The following COL11A1 variants were observed in gnomAD, a reference collection of about 807,000 sequenced individuals.
COL11A1 encodes collagen type XI alpha 1 chain, also known as collagen alpha-1(XI) chain.
Under a neutral mutation model 265.2 loss-of-function variants are expected in COL11A1, and 74 were observed. The observed-to-expected ratio is 0.28, with a 90% CI of 0.23 to 0.34. COL11A1 has a LOEUF of 0.34. Among genes scored for constraint, COL11A1 ranks in the 10% least tolerant of loss-of-function variants. The pLI is 1.00. For synonymous variants in COL11A1, 816 were observed against 727.6 expected, an observed-to-expected ratio of 1.12 and a Z score of -1.96; for missense variants, 2,165 against 2,263.6, an observed-to-expected ratio of 0.96 and a Z score of 0.88.
At chr1:103,025,370 T>A in intron 7 of COL11A1, 151 bp downstream of exon 7, 1 of 676,066 alleles carries the variant, frequency 1.5e-6, no homozygotes, top group Non-Finnish European at 2.6e-6. Context: ...TTAGTAATAG[T>A]GAACCATTGC....
rs544305173 is a variant in COL11A1, at chr1:103,046,491, G to A, written c.652-15247C>T. On this transcript the variant is annotated intron_variant, in intron 4 of 66. Transcript: ENST00000370096. ...TGTAAATTTGTTTGAGTTCATTGTA[G>A]ATTCTGGATATTAGCCCTTTGTCAG... is the stretch of plus-strand genomic sequence containing the variant. 3.5e-3 allele frequency among the ~76,000 whole-genome samples: 538 copies of A among 151,782 alleles called. 3 individuals are homozygous for A. The highest frequency in any genetic ancestry group is 5.4e-3 in the Non-Finnish European group (367 of 67,948).
intron 42 of COL11A1, among the ~76,000 whole-genome samples, chr1:102,944,347 T>C (rs1659035173): frequency 1.3e-5 from 2 of 152,150 alleles, no homozygotes; most frequent in Non-Finnish European, 2.9e-5. Context: ...ACCCACTTTA[T>C]GTTACTGTCC....
Position 102,973,329 on chromosome 1 carries a change from G to A in COL11A1, c.2808+1501C>T, listed in dbSNP as rs143616442. On this transcript the variant is annotated intron_variant, in intron 36 of 66. Transcript: ENST00000370096. ...CCTCTTACAGACAAAATGCATGCAC[G>A]ATCAATGGCTCAAAACATGTTGAAA... Among the ~76,000 whole-genome samples, 50 of 152,106 alleles carry A rather than the reference G, an allele frequency of 3.3e-4. 1 individual carries two copies. The highest frequency in any genetic ancestry group is 7.9e-4 in the Admixed American group (12 of 15,274).
intron 42 of COL11A1, among the ~76,000 whole-genome samples, chr1:102,946,330 ACC>A (rs5776669): frequency 3.4e-4 from 52 of 150,888 alleles, no homozygotes; most frequent in Middle Eastern, 3.4e-3. Flanking sequence ...AGTATAATAA[ACC>A]CCCCCCCAAA....
chr1:102,966,815 C>T (rs900690808), intron 37 of COL11A1, among the ~76,000 whole-genome samples: 3 of 152,168 alleles, frequency 2.0e-5, no homozygotes, highest in African/African-American at 4.8e-5. Context: ...TGAACTCCTC[C>T]ATTCCCAACT....
intron 3 of COL11A1, among the ~76,000 whole-genome samples, chr1:103,077,989 A>G (rs1192304537): frequency 2.6e-5 from 4 of 152,146 alleles, no homozygotes; most frequent in African/African-American, 4.8e-5. Flanking sequence ...AGTACATGGC[A>G]CATATCAGCA....
At chr1:102,879,588 C>G in intron 66 of COL11A1, 95 bp downstream of exon 66, 1 of 1,045,742 alleles carries the variant, frequency 9.6e-7, no homozygotes, top group Non-Finnish European at 1.5e-6. Flanking sequence ...CAACTGACGT[C>G]CATTTCATGA....
intron 52 of COL11A1, 46 bp from the exon 53 acceptor site, chr1:102,913,736 A>G (rs1557811911): frequency 1.3e-6 from 2 of 1,536,190 alleles, no homozygotes; most frequent in African/African-American, 2.7e-5. Context: ...CTCAGTATCA[A>G]TAAATCACAC....
chr1:103,010,813 G>C lies in COL11A1; in HGVS notation c.1629+1600C>G, dbSNP rs191493182. Among the ~76,000 whole-genome samples the C allele has an allele frequency of 1.3e-3, 192 of 151,678 alleles. 2 individuals are homozygous for C. In the East Asian group the frequency reaches 0.028, roughly 22 times the overall value. On this transcript the variant is annotated intron_variant, in intron 14 of 66. Transcript: ENST00000370096. Reference sequence around the variant, plus strand: ...CATCCCGGGTTCAAGCCATTCTCCTGCCTCAGCCTCCCGAGTAGCTGGGAT... The same window carrying C: ...CATCCCGGGTTCAAGCCATTCTCCTCCCTCAGCCTCCCGAGTAGCTGGGAT...
rs1665196401 is a variant in COL11A1 at position 103,002,423 on chromosome 1, C to T, written c.2097+5G>A. ...TTCAAAGGAGCTGCAGTGGCTTAGA[C>T]TTACCTGAGGTCCTGGATTCCCTTG... is the stretch of plus-strand genomic sequence containing the variant. On this transcript the variant is annotated splice_donor_5th_base_variant and intron_variant, in intron 23 of 66. Coordinates refer to ENST00000370096, the MANE Select transcript of COL11A1 (RefSeq NM_001854.4). The T allele has an allele frequency of 6.2e-7, 1 of 1,606,584 alleles. No individual in the cohort carries two copies. The highest frequency in any genetic ancestry group is 8.5e-7 in the Non-Finnish European group (1 of 1,176,320).
In COL11A1 at chr1:102,997,023, G is replaced by T. The variant is rs1570980856; in HGVS notation, c.2241+57C>A. The T allele has an allele frequency of 8.4e-6, 12 of 1,432,588 alleles. No individual in the cohort carries two copies. The South Asian group carries it at 1.4e-4, about 16-fold the overall frequency. The allele number at this position is 1,432,588 out of a possible 1,614,324, so 88.7% of individuals were successfully genotyped here. On this transcript the variant is annotated intron_variant, in intron 26 of 66. Transcript: ENST00000370096. ...ATATATATGAGATGACCAAATTAAG[G>T]CATTTTCTCTTGGAAATTTATTAAT...
intron 4 of COL11A1, among the ~76,000 whole-genome samples, chr1:103,034,171 A>G (rs954948731): frequency 5.3e-5 from 8 of 152,098 alleles, no homozygotes; most frequent in African/African-American, 1.9e-4. Context: ...ATTATGATGT[A>G]TCTGGATGTA....
chr1:103,048,721 C>T (rs1669529655), intron 4 of COL11A1, among the ~76,000 whole-genome samples: 1 of 152,142 alleles, frequency 6.6e-6, no homozygotes, highest in Non-Finnish European at 1.5e-5. Flanking sequence ...TTCCTGCTTT[C>T]TCTTGTGGGC....
chr1:103,092,087 T>A (rs923104877), intron 1 of COL11A1, among the ~76,000 whole-genome samples: 1 of 152,030 alleles, frequency 6.6e-6, no homozygotes, highest in African/African-American at 2.4e-5. Context: ...TATTCTGAAG[T>A]GTAATTAATG....
chr1:102,893,661 T>C (rs1446518051), intron 57 of COL11A1, among the ~76,000 whole-genome samples: 1 of 152,134 alleles, frequency 6.6e-6, no homozygotes, highest in Non-Finnish European at 1.5e-5. Context: ...AGCAAACATT[T>C]TCCCCTGCAG....
At chr1:102,951,651 A>T (rs925039765) in intron 41 of COL11A1, among the ~76,000 whole-genome samples, 2 of 152,108 alleles carry the variant, frequency 1.3e-5, no homozygotes, top group Admixed American at 1.3e-4. Flanking sequence ...GAGGCAGGAG[A>T]ATAGCGTGAA....
chr1:102,952,919 G>A (rs181907626), intron 41 of COL11A1, among the ~76,000 whole-genome samples: 2 of 152,230 alleles, frequency 1.3e-5, no homozygotes, highest in Admixed American at 6.5e-5. Context: ...AGCCCAATAT[G>A]AAAAGAAGGT....
chr1:102,978,606 G>T lies in COL11A1; in HGVS notation c.2754+102C>A, dbSNP rs1662727726. ...AAATTCAGACTAGATTTTGTGGATA[G>T]ACATGCACATGTATTAGCAGACATA... On this transcript the variant is annotated intron_variant, in intron 35 of 66. Coordinates refer to ENST00000370096, the MANE Select transcript of COL11A1 (RefSeq NM_001854.4). The T allele has an allele frequency of 3.3e-6, 4 of 1,230,138 alleles. No homozygotes were observed. The East Asian group carries it at 9.3e-5, about 28-fold the overall frequency. The allele number at this position is 1,230,138 out of a possible 1,614,324, so 76.2% of individuals were successfully genotyped here.
chr1:103,085,618 C>A (rs1571246443), intron 1 of COL11A1, among the ~76,000 whole-genome samples: 1 of 152,112 alleles, frequency 6.6e-6, no homozygotes, highest in South Asian at 2.1e-4. Context: ...CTATTGGCTT[C>A]ATACCTATAT....
Sources: gnomAD v4.1 joint callset for allele counts (sites outside exome capture counted in the v4.1 genomes callset) on GRCh38, gnomAD v4.1.1 for gene constraint, MANE v1.5 for transcripts, NCBI Gene and HGNC (gene_info 2026-07-23, HGNC 2026-07-21) for gene names.